The following FBXL13 variants were observed in gnomAD, a reference collection of about 807,000 sequenced individuals.
FBXL13 encodes the protein F-box and leucine-rich repeat protein 13.
In FBXL13, 67 loss-of-function variants were observed where a neutral mutation model predicts 83.6. The ratio of observed to expected loss-of-function variants is 0.80; its 90% CI spans 0.66 to 0.98. FBXL13 has a LOEUF of 0.98. FBXL13 is among the 50% of genes least tolerant of loss of function. The pLI, the probability that FBXL13 is intolerant of heterozygous loss-of-function variation, is 0.00. For synonymous variants in FBXL13, 272 were observed against 299.5 expected, an observed-to-expected ratio of 0.91 and a Z score of 0.95; for missense variants, 822 against 866.5, an observed-to-expected ratio of 0.95 and a Z score of 0.64.
intron 8 of FBXL13, 102 bp from the exon 10 acceptor site, chr7:102,932,035 C>A: frequency 8.9e-7 from 1 of 1,125,856 alleles, no homozygotes; most frequent in Non-Finnish European, 1.3e-6. Flanking sequence ...AGAAAACAAA[C>A]AAAAACCTTG....
intron 2 of FBXL13, among the ~76,000 whole-genome samples, chr7:103,043,779 G>C (rs576693588): frequency 1.9e-4 from 29 of 152,334 alleles, no homozygotes; most frequent in African/African-American, 6.7e-4. Flanking sequence ...CTCCCAAAGT[G>C]CTGGGATTAC....
exon 1 of FBXL13, chr7:103,074,375 C>T: frequency 9.5e-7 from 1 of 1,054,028 alleles, no homozygotes; most frequent in Non-Finnish European, 1.2e-6. Context: ...CACTCCTCCA[C>T]TCCTCAGGTA....
chr7:102,863,983 G>A (rs1204712786), intron 16 of FBXL13, among the ~76,000 whole-genome samples: 1 of 151,948 alleles, frequency 6.6e-6, no homozygotes. Flanking sequence ...ATTATTTCTA[G>A]CTATCATTGC....
chr7:103,028,347 T>C (rs1033257179), intron 4 of FBXL13, among the ~76,000 whole-genome samples: 2 of 152,234 alleles, frequency 1.3e-5, no homozygotes, highest in African/African-American at 2.4e-5. Context: ...TAGTAGATTC[T>C]ATTTATATTC....
In FBXL13 at chr7:102,895,061, C is replaced by G. The variant is rs1812094940; in HGVS notation, c.1009-10749G>C. On this transcript the variant is annotated intron_variant, in intron 11 of 19. Transcript: ENST00000313221. ...TACACAATTATATAAGGCACCATCC[C>G]TGTTTTCAAAGAGCTTACCTTGGGA... 1.3e-5 allele frequency among the ~76,000 whole-genome samples: 2 copies of G among 152,162 alleles called. 1 individual carries two copies. The highest frequency in any genetic ancestry group is 1.3e-4 in the Admixed American group (2 of 15,278).
intron 10 of FBXL13, among the ~76,000 whole-genome samples, chr7:102,913,514 G>C (rs1010546784): frequency 6.6e-6 from 1 of 152,178 alleles, no homozygotes; most frequent in Admixed American, 6.5e-5. Flanking sequence ...TGGTGTGTGT[G>C]AGGTGGGGGA....
intron 11 of FBXL13, among the ~76,000 whole-genome samples, chr7:102,891,012 TG>T (rs1410452258): frequency 6.6e-6 from 1 of 152,228 alleles, no homozygotes; most frequent in Non-Finnish European, 1.5e-5. Context: ...AATGAACTGT[TG>T]GAGAGAAAAA....
At chr7:102,836,315 G>T (rs938734355) in intron 17 of FBXL13, among the ~76,000 whole-genome samples, 4 of 152,142 alleles carry the variant, frequency 2.6e-5, no homozygotes, top group African/African-American at 9.7e-5. Context: ...GCAGATTGGC[G>T]AACTAAAGTC....
intron 11 of FBXL13, among the ~76,000 whole-genome samples, chr7:102,908,257 TTTAA>T (rs1375194827): frequency 4.6e-5 from 7 of 151,920 alleles, no homozygotes; most frequent in African/African-American, 1.7e-4. Flanking sequence ...TTTGTTTCTT[TTTAA>T]TTATTTCAAT....
chr7:102,829,113 C>G (rs938698061), intron 18 of FBXL13, among the ~76,000 whole-genome samples: 3 of 152,106 alleles, frequency 2.0e-5, no homozygotes, highest in African/African-American at 7.2e-5. Context: ...GTTATAAAAC[C>G]CAAGATGGTC....
At chr7:102,966,595 A>T (rs556558316) in intron 7 of FBXL13, among the ~76,000 whole-genome samples, 2 of 152,316 alleles carry the variant, frequency 1.3e-5, no homozygotes, top group Admixed American at 1.3e-4. Flanking sequence ...ATCTCACTAG[A>T]TAAAGACCAA....
intron 11 of FBXL13, among the ~76,000 whole-genome samples, chr7:102,907,102 A>G (rs1269040710): frequency 6.6e-6 from 1 of 152,006 alleles, no homozygotes; most frequent in African/African-American, 2.4e-5. Context: ...CTTCCTGAGT[A>G]GCTGGGATTA....
At chr7:103,027,458 T>A in exon 5 of FBXL13, 6 of 1,608,814 alleles carry the variant, frequency 3.7e-6, no homozygotes, top group Non-Finnish European at 5.1e-6. Flanking sequence ...CCAGCTCATC[T>A]TCTTTCTTTT....
intron 17 of FBXL13, among the ~76,000 whole-genome samples, chr7:102,849,366 C>G (rs918627850): frequency 2.6e-5 from 4 of 152,180 alleles, no homozygotes; most frequent in Admixed American, 2.0e-4. Flanking sequence ...ACTGACTCTG[C>G]GTGTGCTGTG....
At chr7:103,017,273 C>T (rs985790891) in intron 6 of FBXL13, among the ~76,000 whole-genome samples, 1 of 150,950 alleles carries the variant, frequency 6.6e-6, no homozygotes, top group Admixed American at 6.6e-5. Context: ...TCCTGACTGT[C>T]AGAAGGAAAA....
chr7:102,830,623 T>C (rs1483987935), intron 18 of FBXL13, among the ~76,000 whole-genome samples: 2 of 152,206 alleles, frequency 1.3e-5, no homozygotes, highest in African/African-American at 4.8e-5. Context: ...CCACATCTTT[T>C]TCCCTGCTGC....
chr7:102,965,219 T>C (rs571496222), intron 7 of FBXL13, among the ~76,000 whole-genome samples: 2 of 152,316 alleles, frequency 1.3e-5, no homozygotes, highest in South Asian at 4.1e-4. Flanking sequence ...TTATAAATAG[T>C]TGATAATTAA....
intron 10 of FBXL13, among the ~76,000 whole-genome samples, chr7:102,913,519 G>A (rs1161064015): frequency 6.6e-6 from 1 of 152,172 alleles, no homozygotes; most frequent in Non-Finnish European, 1.5e-5. Flanking sequence ...TGTGTGAGGT[G>A]GGGGAGGCAA....
intron 8 of FBXL13, among the ~76,000 whole-genome samples, chr7:102,939,253 G>T (rs899140467): frequency 5.9e-5 from 9 of 152,106 alleles, no homozygotes; most frequent in Admixed American, 6.6e-5. Flanking sequence ...GGCTTTGCTG[G>T]GCTTTGATGG....
Sources: allele counts gnomAD v4.1 joint callset (sites outside exome capture counted in the v4.1 genomes callset), GRCh38; gene constraint gnomAD v4.1.1; transcripts MANE v1.5; gene names NCBI Gene and HGNC (gene_info 2026-07-23, HGNC 2026-07-21).